The following SGCD variants were observed in gnomAD, a reference collection of about 807,000 sequenced individuals.
SGCD encodes the protein delta-sarcoglycan.
In SGCD, 18 loss-of-function variants were observed where a neutral mutation model predicts 36.6. That is an observed-to-expected ratio of 0.49 (90% CI 0.34 to 0.73). SGCD has a LOEUF of 0.73. Among genes scored for constraint, SGCD ranks in the 30% least tolerant of loss-of-function variants. The pLI, the probability that SGCD is intolerant of heterozygous loss-of-function variation, is 0.01. For missense variants in SGCD, 387 were observed against 346.7 expected, an observed-to-expected ratio of 1.12 and a Z score of -0.92; for synonymous variants, 133 against 130.6, an observed-to-expected ratio of 1.02 and a Z score of -0.12.
chr5:156,308,555 CCCAAAGTGCTAGG>C (rs1767301236), intron 3 of SGCD, among the ~76,000 whole-genome samples: 1 of 152,112 alleles, frequency 6.6e-6, no homozygotes, highest in Non-Finnish European at 1.5e-5. Context: ...GCCTTGGCGT[CCCAAAGTGCTAGG>C]ATTACGGGCA....
intron 6 of SGCD, among the ~76,000 whole-genome samples, chr5:156,617,950 A>G (rs529032832): frequency 3.4e-4 from 52 of 152,358 alleles, no homozygotes; most frequent in African/African-American, 1.2e-3. Context: ...CTTACCAGCC[A>G]CGTGAAGTTG....
chr5:156,279,768 G>T (rs1292620772), intron 3 of SGCD, among the ~76,000 whole-genome samples: 1 of 151,940 alleles, frequency 6.6e-6, no homozygotes, highest in Non-Finnish European at 1.5e-5. Context: ...ATAAAGAAAG[G>T]CCCCTTTCTA....
At chr5:155,838,009 C>T in the SGCD span, among the ~76,000 whole-genome samples, 1 of 152,086 alleles carries the variant, frequency 6.6e-6, no homozygotes, top group Non-Finnish European at 1.5e-5. Context: ...GAGGAAACAG[C>T]GTAATGAACT....
intron 1 of SGCD, among the ~76,000 whole-genome samples, chr5:156,080,617 C>A (rs778614787): frequency 1.1e-4 from 17 of 152,132 alleles, no homozygotes; most frequent in Non-Finnish European, 2.4e-4. Flanking sequence ...TCTGTAGATA[C>A]CCTAAATAAT....
intron 7 of SGCD, among the ~76,000 whole-genome samples, chr5:156,713,738 C>T (rs1307112232): frequency 6.6e-6 from 1 of 152,204 alleles, no homozygotes. Context: ...TCTGCAGCCC[C>T]TCAGAACAGG....
intron 1 of SGCD, among the ~76,000 whole-genome samples, chr5:156,071,096 A>G (rs895499536): frequency 5.9e-5 from 9 of 151,968 alleles, no homozygotes; most frequent in African/African-American, 1.9e-4. Context: ...TGGATTCATT[A>G]ATATTTTGAA....
intron 3 of SGCD, among the ~76,000 whole-genome samples, chr5:156,438,267 G>A (rs1753329475): frequency 6.6e-6 from 1 of 152,044 alleles, no homozygotes; most frequent in South Asian, 2.1e-4. Context: ...CTGCTTTTCT[G>A]GCGGTTTTGA....
intron 3 of SGCD, among the ~76,000 whole-genome samples, chr5:156,455,021 G>C (rs151155216): frequency 1.3e-5 from 2 of 152,160 alleles, no homozygotes; most frequent in Non-Finnish European, 2.9e-5. Flanking sequence ...TCCTTGTAAA[G>C]AAAGGACGCT....
At position 156,093,486 on chromosome 5, in the gene SGCD, T is replaced by G. The variant is rs536012319; in HGVS notation, c.-281-24392T>G. On this transcript the variant is annotated intron_variant, in intron 1 of 9. Coordinates refer to the SGCD transcript ENST00000517913. ...ATATCTATGGAAGATTTGGTAAATA[T>G]GTTCTAAGAATTCAGAGGGATCCTC... Among the ~76,000 whole-genome samples, 8 of 152,358 alleles carry G rather than the reference T, an allele frequency of 5.3e-5. No individual in the cohort carries two copies. In the East Asian group the frequency reaches 1.2e-3, roughly 22 times the overall value.
intron 1 of SGCD, among the ~76,000 whole-genome samples, chr5:155,872,492 T>C (rs779919134): frequency 4.6e-5 from 7 of 152,174 alleles, no homozygotes; most frequent in Non-Finnish European, 1.0e-4. Flanking sequence ...ATAACATTGC[T>C]GTTAAAGAGA....
intron 3 of SGCD, among the ~76,000 whole-genome samples, chr5:156,399,523 T>C (rs1052818109): frequency 6.6e-6 from 1 of 152,160 alleles, no homozygotes; most frequent in Admixed American, 6.5e-5. Flanking sequence ...CCATGACCTT[T>C]CCAGGGCTCT....
rs142515006 is a variant in SGCD at position 156,167,190 on chromosome 5, C to T, written c.-44+43171C>T. ...GGTGCCCTCTCTGACTTCTCTTCCC[C>T]GACTGACAATCCGCATATGTTCCCC... On this transcript the variant is annotated intron_variant, in intron 3 of 9. Transcript: ENST00000517913. Among the ~76,000 whole-genome samples the T allele has an allele frequency of 5.1e-4, 77 of 152,230 alleles. 1 individual carries two copies. In the East Asian group the frequency reaches 0.014, roughly 28 times the overall value.
intron 4 of SGCD, among the ~76,000 whole-genome samples, chr5:156,553,146 G>A (rs1758864248): frequency 6.6e-6 from 1 of 152,100 alleles, no homozygotes; most frequent in Non-Finnish European, 1.5e-5. Context: ...CAGCCCTTGT[G>A]GAAAATAGCA....
intron 7 of SGCD, among the ~76,000 whole-genome samples, chr5:156,674,787 C>G (rs915161996): frequency 1.3e-5 from 2 of 152,114 alleles, no homozygotes; most frequent in East Asian, 3.8e-4. Flanking sequence ...TGACCAGCAT[C>G]GACTCCTTTT....
At chr5:156,265,188 A>G (rs548077559) in intron 3 of SGCD, among the ~76,000 whole-genome samples, 1 of 152,204 alleles carries the variant, frequency 6.6e-6, no homozygotes, top group South Asian at 2.1e-4. Context: ...AATTAGTGGG[A>G]TTTCTTTACT....
At chr5:156,276,230 T>C (rs1214511372) in intron 3 of SGCD, among the ~76,000 whole-genome samples, 1 of 152,190 alleles carries the variant, frequency 6.6e-6, no homozygotes, top group African/African-American at 2.4e-5. Flanking sequence ...GCTCCATAGC[T>C]GCTGGGTTTC....
intron 7 of SGCD, among the ~76,000 whole-genome samples, chr5:156,649,543 G>A (rs954383779): frequency 3.3e-5 from 5 of 152,072 alleles, no homozygotes; most frequent in African/African-American, 1.2e-4. Context: ...AAAAAATGAT[G>A]AGTTCATGTC....
chr5:156,220,842 C>T (rs1448082200), intron 3 of SGCD, among the ~76,000 whole-genome samples: 6 of 152,070 alleles, frequency 3.9e-5, no homozygotes, highest in Admixed American at 3.9e-4. Context: ...CTTCCTTTAA[C>T]TGAATTTAAT....
chr5:156,176,846 G>A (rs1763486401), intron 3 of SGCD, among the ~76,000 whole-genome samples: 1 of 151,978 alleles, frequency 6.6e-6, no homozygotes, highest in African/African-American at 2.4e-5. Context: ...TCTGCCTTCA[G>A]TTTTGGAAAA....
Sources: gnomAD v4.1 joint callset for allele counts (sites outside exome capture counted in the v4.1 genomes callset) on GRCh38, gnomAD v4.1.1 for gene constraint, MANE v1.5 for transcripts, NCBI Gene and HGNC (gene_info 2026-07-23, HGNC 2026-07-21) for gene names.